Variants in MAP6 observed in about 807,000 individuals in gnomAD.
MAP6 encodes microtubule associated protein 6, also known as microtubule-associated protein 6.
Under a neutral mutation model 42.4 loss-of-function variants are expected in MAP6, and 26 were observed. That is an observed-to-expected ratio of 0.61 (90% CI 0.45 to 0.85). The LOEUF (loss-of-function observed/expected upper bound fraction) is 0.85, where lower values mean the gene tolerates loss of function less well. Ranked by LOEUF, MAP6 falls within the 40% of genes least tolerant of loss-of-function variation. MAP6 has a pLI of 0.00. For synonymous variants in MAP6, 418 were observed against 443.8 expected (o/e 0.94, Z 0.73); for missense variants, 966 against 1,099.0 (o/e 0.88, Z 1.71).
In MAP6 at chr11:75,605,907, T is replaced by C; in HGVS notation, c.1217A>G (p.Gln406Arg). ...KAKDKQAVSG[Q>R]AAKKKSAEGP... ...CTCCGCGCTCTTTTTCTTGGCAGCC[T>C]GGCCTGACACCGCCTGCTTGTCTTT... The change falls in exon 3 of 4, where the codon CAG becomes CGG. Residue 406 changes from glutamine to arginine, a missense_variant. Transcript: ENST00000304771. 1 of 1,614,216 alleles carries C rather than the reference T, an allele frequency of 6.2e-7. No individual in the cohort carries two copies. Among genetic ancestry groups the C allele is most frequent in the Non-Finnish European group, 8.5e-7 (1 of 1,180,050 alleles).
intron 1 of MAP6, among the ~76,000 whole-genome samples, chr11:75,656,656 T>C (rs1385966874): frequency 6.6e-6 from 1 of 152,120 alleles, no homozygotes; most frequent in Non-Finnish European, 1.5e-5. Context: ...CTTCTCACCC[T>C]CTCTCTTCCC....
At chr11:75,657,548 G>T (rs1009704709) in intron 1 of MAP6, among the ~76,000 whole-genome samples, 1 of 152,164 alleles carries the variant, frequency 6.6e-6, no homozygotes, top group African/African-American at 2.4e-5. Context: ...GAATTATCTG[G>T]CCAATAATTG....
At chr11:75,598,115 A>G (rs1942613284) in intron 3 of MAP6, among the ~76,000 whole-genome samples, 1 of 152,218 alleles carries the variant, frequency 6.6e-6, no homozygotes. Context: ...AAACAGGTCG[A>G]AATAAATAAA....
Position 75,668,389 on chromosome 11 carries a change from G to C in MAP6, c.-20C>G, listed in dbSNP as rs1488168339. 1.0e-5 allele frequency: 16 copies of C among 1,562,764 alleles called. No individual in the cohort carries two copies. The highest frequency in any genetic ancestry group is 1.4e-5 in the Non-Finnish European group (16 of 1,162,222). ...CGCCATGATGCTAGCTGAAAAGCCG[G>C]CCTCCTCTTTCTTCTTGTGGTTCTA... On this transcript the variant is annotated 5_prime_UTR_variant, in exon 1 of 4. Coordinates refer to ENST00000304771, the MANE Select transcript of MAP6 (RefSeq NM_033063.2).
intron 1 of MAP6, among the ~76,000 whole-genome samples, chr11:75,625,785 G>C (rs994319546): frequency 2.0e-5 from 3 of 152,116 alleles, no homozygotes; most frequent in Non-Finnish European, 4.4e-5. Flanking sequence ...ACAAATTACA[G>C]TACCAGAAGG....
At chr11:75,652,475 C>T (rs1032884532) in intron 1 of MAP6, among the ~76,000 whole-genome samples, 4 of 152,124 alleles carry the variant, frequency 2.6e-5, no homozygotes. Flanking sequence ...AGCTCAGATG[C>T]CATCCTCATT....
intron 1 of MAP6, among the ~76,000 whole-genome samples, chr11:75,649,633 C>T (rs1036522531): frequency 2.0e-5 from 3 of 151,978 alleles, no homozygotes; most frequent in African/African-American, 7.3e-5. Context: ...CTGCCGCCCA[C>T]GTTCAAGCGA....
intron 1 of MAP6, among the ~76,000 whole-genome samples, chr11:75,639,023 TA>T (rs1454875775): frequency 5.3e-5 from 8 of 152,192 alleles, no homozygotes; most frequent in Admixed American, 2.6e-4. Flanking sequence ...TGGAAGCCAT[TA>T]TCTTAAATGA....
chr11:75,634,363 G>C (rs182766593), intron 1 of MAP6, among the ~76,000 whole-genome samples: 1 of 152,104 alleles, frequency 6.6e-6, no homozygotes, highest in Non-Finnish European at 1.5e-5. Context: ...TGCAACCTTC[G>C]CCTCCTGGGT....
At chr11:75,661,396 G>C (rs1360702696) in intron 1 of MAP6, among the ~76,000 whole-genome samples, 1 of 151,890 alleles carries the variant, frequency 6.6e-6, no homozygotes, top group Non-Finnish European at 1.5e-5. Flanking sequence ...TATAAAAAAG[G>C]AAAAATTATA....
intron 3 of MAP6, among the ~76,000 whole-genome samples, chr11:75,597,597 C>T (rs2135577357): frequency 6.6e-6 from 1 of 152,310 alleles, no homozygotes; most frequent in Non-Finnish European, 1.5e-5. Context: ...TTGTCTAACA[C>T]TATGCTCCTG....
intron 1 of MAP6, among the ~76,000 whole-genome samples, chr11:75,640,309 C>T (rs773810901): frequency 6.6e-6 from 1 of 152,094 alleles, no homozygotes; most frequent in Non-Finnish European, 1.5e-5. Context: ...ACAAATACTG[C>T]AAGAACAATT....
At chr11:75,632,671 G>A (rs573106117) in intron 1 of MAP6, among the ~76,000 whole-genome samples, 2 of 152,276 alleles carry the variant, frequency 1.3e-5, no homozygotes, top group African/African-American at 4.8e-5. Flanking sequence ...GTATTCTCTG[G>A]ACTAGGGAAT....
intron 3 of MAP6, among the ~76,000 whole-genome samples, chr11:75,601,363 C>A: frequency 6.6e-6 from 1 of 152,314 alleles, no homozygotes; most frequent in Admixed American, 6.5e-5. Context: ...CAAAAGAGAG[C>A]TTAATAATAT....
chr11:75,640,451 T>G (rs1943446995), intron 1 of MAP6, among the ~76,000 whole-genome samples: 1 of 152,180 alleles, frequency 6.6e-6, no homozygotes, highest in Non-Finnish European at 1.5e-5. Context: ...CATGACTGTT[T>G]GGGGCCAAGT....
chr11:75,593,915 A>C (rs1942527712), intron 3 of MAP6, among the ~76,000 whole-genome samples: 1 of 152,248 alleles, frequency 6.6e-6, no homozygotes, highest in African/African-American at 2.4e-5. Flanking sequence ...ATAGGATGGC[A>C]CTGGGGCACA....
At chr11:75,606,211 C>G (rs1438939109) in intron 2 of MAP6, among the ~76,000 whole-genome samples, 1 of 152,202 alleles carries the variant, frequency 6.6e-6, no homozygotes, top group Admixed American at 6.5e-5. Context: ...TTTGGCAGCA[C>G]CCACTGGCCA....
intron 3 of MAP6, among the ~76,000 whole-genome samples, chr11:75,601,532 C>A (rs1942663284): frequency 6.6e-6 from 1 of 152,076 alleles, no homozygotes; most frequent in Non-Finnish European, 1.5e-5. Flanking sequence ...CTGCCTCCCC[C>A]AAAACTCAGC....
At chr11:75,620,589 C>G (rs1943090727) in intron 1 of MAP6, among the ~76,000 whole-genome samples, 1 of 151,852 alleles carries the variant, frequency 6.6e-6, no homozygotes, top group African/African-American at 2.4e-5. Flanking sequence ...GATACCAAGC[C>G]AGTCAAAGAC....
Sources: gnomAD v4.1 joint callset for allele counts (sites outside exome capture counted in the v4.1 genomes callset) on GRCh38, gnomAD v4.1.1 for gene constraint, MANE v1.5 for transcripts, NCBI Gene and HGNC (gene_info 2026-07-23, HGNC 2026-07-21) for gene names.